The following ITGA11 variants were observed in gnomAD, a reference collection of about 807,000 sequenced individuals.
The protein encoded by ITGA11 is integrin subunit alpha 11, also known as integrin alpha-11.
A neutral mutation model predicts 141.9 loss-of-function variants in ITGA11; 97 were observed. The observed-to-expected ratio is 0.68, with a 90% CI of 0.58 to 0.81. ITGA11 has a LOEUF of 0.81. Ranked by LOEUF, ITGA11 falls within the 30% of genes least tolerant of loss-of-function variation. The pLI, the probability that ITGA11 is intolerant of heterozygous loss-of-function variation, is 0.00. For synonymous variants in ITGA11, 658 were observed against 624.6 expected, an observed-to-expected ratio of 1.05 and a Z score of -0.80; for missense variants, 1,387 against 1,559.2, an observed-to-expected ratio of 0.89 and a Z score of 1.86.
chr15:68,357,797 C>G lies in ITGA11; in HGVS notation c.601-498G>C, dbSNP rs143229108. Among the ~76,000 whole-genome samples the G allele has an allele frequency of 3.0e-3, 450 of 152,236 alleles. 7 individuals are homozygous for G. Among genetic ancestry groups the G allele is most frequent in the African/African-American group, 0.01 (431 of 41,526 alleles). On this transcript the variant is annotated intron_variant, in intron 6 of 29. Transcript: ENST00000315757. Reference sequence around the variant, plus strand: ...GTAGGAATAGAACCATGAAACGTTCCTGTTGGAGGAGCCCACAGGGTTTAT... The same window carrying G: ...GTAGGAATAGAACCATGAAACGTTCGTGTTGGAGGAGCCCACAGGGTTTAT...
chr15:68,342,007 G>T (rs1313981453), intron 10 of ITGA11, among the ~76,000 whole-genome samples: 2 of 152,180 alleles, frequency 1.3e-5, no homozygotes, highest in Non-Finnish European at 2.9e-5. Flanking sequence ...GAGTGAATTT[G>T]TTGTGGCCAG....
rs1460889578 is a variant in ITGA11 at position 68,333,742 on chromosome 15, C to T, written c.1426-1264G>A. On this transcript the variant is annotated intron_variant, in intron 12 of 29. Coordinates refer to ENST00000315757, the MANE Select transcript of ITGA11 (RefSeq NM_001004439.2). This position sits in a 1 kb window ranked among gnomAD's most constrained non-coding sequence, Gnocchi z 4.2. ...GCAGCTGGCGTGGCCTCTAACACCA[C>T]TCCACCTCTTGCTTTTGGGATAGTA... Among the ~76,000 whole-genome samples the T allele has an allele frequency of 6.6e-6, 1 of 152,236 alleles. No individual in the cohort carries two copies. The highest frequency in any genetic ancestry group is 1.5e-5 in the Non-Finnish European group (1 of 68,036).
chr15:68,341,015 C>G (rs1306858363), intron 10 of ITGA11, among the ~76,000 whole-genome samples: 4 of 152,164 alleles, frequency 2.6e-5, no homozygotes, highest in Non-Finnish European at 5.9e-5. Context: ...TCCCTGAGCC[C>G]GGCTGCCTGG....
chr15:68,359,456 G>T (rs900423894), intron 5 of ITGA11, among the ~76,000 whole-genome samples: 6 of 152,188 alleles, frequency 3.9e-5, no homozygotes, highest in African/African-American at 1.4e-4. Context: ...GACCAGCCTT[G>T]CCAACATGGC....
chr15:68,366,239 C>T (rs1895417187), intron 3 of ITGA11, among the ~76,000 whole-genome samples: 1 of 152,178 alleles, frequency 6.6e-6, no homozygotes, highest in African/African-American at 2.4e-5. Context: ...ACCGCGCACA[C>T]CTGCCCTTTC....
chr15:68,405,062 C>T (rs1287803851), intron 1 of ITGA11, among the ~76,000 whole-genome samples: 1 of 152,130 alleles, frequency 6.6e-6, no homozygotes, highest in African/African-American at 2.4e-5. Flanking sequence ...TTCCCCTGGG[C>T]ACTGACCCCC....
At chr15:68,330,477 A>T (rs1021480998) in intron 15 of ITGA11, among the ~76,000 whole-genome samples, 1 of 145,336 alleles carries the variant, frequency 6.9e-6, no homozygotes, top group Admixed American at 7.1e-5. Context: ...ATGAAAAAAT[A>T]CTCAAGGTCT....
In ITGA11 at chr15:68,303,486, CATT is replaced by C. The variant is rs766502854; in HGVS notation, c.3495+283_3495+285del. ...TTCGGGAGGTTTGTTAACAGCTTGA[CATT>C]GTGGGAGAAATTTTGTGCAGTTGTT... is the stretch of plus-strand genomic sequence containing the variant. On this transcript the variant is annotated intron_variant, in intron 29 of 29. Transcript: ENST00000315757. This position sits in a 1 kb window ranked among gnomAD's most constrained non-coding sequence, Gnocchi z 5.3. 2.6e-5 allele frequency among the ~76,000 whole-genome samples: 4 copies of C among 151,444 alleles called. No individual in the cohort carries two copies. Among genetic ancestry groups the C allele is most frequent in the African/African-American group, 4.8e-5 (2 of 41,274 alleles).
intron 2 of ITGA11, among the ~76,000 whole-genome samples, chr15:68,376,676 A>G (rs10444851): frequency 0.053 from 8,094 of 152,346 alleles, 299 homozygotes; most frequent in Non-Finnish European, 0.079. Context: ...AACTGGATGA[A>G]TAGAGCAAGC....
At chr15:68,412,762 G>A (rs190688822) in intron 1 of ITGA11, among the ~76,000 whole-genome samples, 30 of 126,854 alleles carry the variant, frequency 2.4e-4, no homozygotes, top group Admixed American at 2.1e-3. Flanking sequence ...TGCAACCTCC[G>A]CCTCCCAGGT....
At chr15:68,354,293 G>A (rs1046388367) in intron 7 of ITGA11, among the ~76,000 whole-genome samples, 2 of 152,164 alleles carry the variant, frequency 1.3e-5, no homozygotes, top group Non-Finnish European at 2.9e-5. Flanking sequence ...GCACATAGTA[G>A]AGGCTCAATA....
At position 68,328,306 on chromosome 15, in the gene ITGA11, G is replaced by T; in HGVS notation, c.1902-44C>A. On this transcript the variant is annotated intron_variant, in intron 15 of 29. Coordinates refer to ENST00000315757, the MANE Select transcript of ITGA11 (RefSeq NM_001004439.2). The surrounding 1 kb of genome is among the most constrained non-coding windows in gnomAD (Gnocchi z 4.8). ...TGAGCTGGGGTGGGGCAGGGGCTCA[G>T]GCTGCCCTGCTGTGACCATGGGGAA... 1.3e-6 allele frequency: 2 copies of T among 1,570,666 alleles called. No individual in the cohort carries two copies. The highest frequency in any genetic ancestry group is 1.7e-6 in the Non-Finnish European group (2 of 1,146,958).
At chr15:68,360,936 C>A (rs1895223995) in intron 5 of ITGA11, among the ~76,000 whole-genome samples, 1 of 152,136 alleles carries the variant, frequency 6.6e-6, no homozygotes, top group African/African-American at 2.4e-5. Context: ...ATAAAACGGG[C>A]AGCAGCTGCT....
chr15:68,348,748 CA>C lies in ITGA11; in HGVS notation c.1131+81del. 4.0e-6 allele frequency: 5 copies of C among 1,245,534 alleles called. No homozygotes were observed. The East Asian group carries it at 1.3e-4, about 32-fold the overall frequency. 77.2% of individuals were successfully genotyped at this position (1,245,534 alleles called of 1,614,324 possible). On this transcript the variant is annotated intron_variant, in intron 10 of 29. Coordinates refer to ENST00000315757, the MANE Select transcript of ITGA11 (RefSeq NM_001004439.2). The stretch of plus-strand genomic sequence containing the variant: ...CCAACCCATCTGTGAAGGTGGATGA[CA>C]GATCCAGAGAGCTAGAAAGGGGAAG...
intron 10 of ITGA11, among the ~76,000 whole-genome samples, chr15:68,345,235 A>G (rs548944478): frequency 6.6e-6 from 1 of 152,316 alleles, no homozygotes; most frequent in Non-Finnish European, 1.5e-5. Context: ...CATTAGCTTA[A>G]AAATGTATTC....
intron 7 of ITGA11, among the ~76,000 whole-genome samples, chr15:68,355,354 A>T (rs1226968720): frequency 6.6e-6 from 1 of 152,378 alleles, no homozygotes; most frequent in African/African-American, 2.4e-5. Context: ...ACGCTAGTTG[A>T]GCAATGACTT....
chr15:68,314,402 G>A (rs77979747), intron 22 of ITGA11, among the ~76,000 whole-genome samples: 7,376 of 152,258 alleles, frequency 0.048, 183 homozygotes, highest in African/African-American at 0.06. Flanking sequence ...TTCCGGGGGG[G>A]TTCTGTCCAG....
intron 1 of ITGA11, among the ~76,000 whole-genome samples, chr15:68,423,656 ACT>A (rs1301176906): frequency 6.6e-6 from 1 of 151,980 alleles, no homozygotes; most frequent in Non-Finnish European, 1.5e-5. Context: ...AAGTAAGACA[ACT>A]CTGTTTGTTT....
intron 1 of ITGA11, among the ~76,000 whole-genome samples, chr15:68,406,190 G>T (rs1276060798): frequency 3.3e-5 from 5 of 152,104 alleles, no homozygotes; most frequent in Admixed American, 6.5e-5. Flanking sequence ...GTGCAACCAT[G>T]GCCAGAGGGA....
Sources: allele counts gnomAD v4.1 joint callset (sites outside exome capture counted in the v4.1 genomes callset), GRCh38; gene constraint gnomAD v4.1.1; non-coding constraint Gnocchi (gnomAD v3.1); transcripts MANE v1.5; gene names NCBI Gene and HGNC (gene_info 2026-07-23, HGNC 2026-07-21).